Variants in AIFM2 observed in about 807,000 individuals in gnomAD.
The protein encoded by AIFM2 is ferroptosis suppressor protein 1.
AIFM2 carries 38 observed loss-of-function variants against 35.7 expected under a neutral mutation model. The observed-to-expected ratio is 1.06, with a 90% CI of 0.82 to 1.39. The LOEUF (loss-of-function observed/expected upper bound fraction) is 1.39, where lower values mean the gene tolerates loss of function less well. AIFM2 is among the 40% of genes most tolerant of loss of function. The pLI, the probability that AIFM2 is intolerant of heterozygous loss-of-function variation, is 0.00. For synonymous variants in AIFM2, 185 were observed against 203.5 expected (o/e 0.91, Z 0.77); for missense variants, 476 against 491.2 (o/e 0.97, Z 0.29).
chr10:70,122,107 A>C (rs550936993), intron 3 of AIFM2, among the ~76,000 whole-genome samples: 176 of 152,252 alleles, frequency 1.2e-3, no homozygotes, highest in Non-Finnish European at 1.8e-3. Context: ...ACAATTAAAA[A>C]AATTTTTTTT....
intron 1 of AIFM2, among the ~76,000 whole-genome samples, chr10:70,129,369 A>C (rs555233852): frequency 6.6e-6 from 1 of 152,136 alleles, no homozygotes; most frequent in Admixed American, 6.6e-5. Context: ...ATATATATAT[A>C]TATAAAATAT....
chr10:70,121,981 A>G (rs2072513810), intron 3 of AIFM2, among the ~76,000 whole-genome samples: 1 of 151,892 alleles, frequency 6.6e-6, no homozygotes, highest in Non-Finnish European at 1.5e-5. Context: ...AATCCCAACT[A>G]CTCAGGAGGC....
At chr10:70,127,614 T>C (rs1293651179) in intron 1 of AIFM2, among the ~76,000 whole-genome samples, 1 of 152,144 alleles carries the variant, frequency 6.6e-6, no homozygotes, top group Non-Finnish European at 1.5e-5. Context: ...TGGGGTTTCC[T>C]CCAGGGAAAG....
intron 7 of AIFM2, among the ~76,000 whole-genome samples, chr10:70,115,953 C>T (rs1262018009): frequency 6.6e-6 from 1 of 152,172 alleles, no homozygotes; most frequent in Non-Finnish European, 1.5e-5. Context: ...TACACACAGC[C>T]TGGACTGGCT....
intron 3 of AIFM2, among the ~76,000 whole-genome samples, chr10:70,122,665 C>T (rs561364083): frequency 4.4e-4 from 67 of 152,298 alleles, no homozygotes; most frequent in East Asian, 7.7e-4. Context: ...TAGACAGAGC[C>T]GAGGGCTGGC....
chr10:70,131,804 C>T lies in AIFM2; in HGVS notation c.-14+930G>A, dbSNP rs1285794606. Among the ~76,000 whole-genome samples the T allele has an allele frequency of 6.6e-6, 1 of 152,164 alleles. No individual in the cohort carries two copies. The highest frequency in any genetic ancestry group is 1.5e-5 in the Non-Finnish European group (1 of 68,026). ...GTGACACACTGTGCTCCTTGGAGAACTCCTCTCTAGGTGCTGGGGTGAGGG... is the reference window on the plus strand; with the variant it reads ...GTGACACACTGTGCTCCTTGGAGAATTCCTCTCTAGGTGCTGGGGTGAGGG... On this transcript the variant is annotated intron_variant, in intron 1 of 8. Transcript: ENST00000307864. This position sits in a 1 kb window ranked among gnomAD's most constrained non-coding sequence, Gnocchi z 4.1.
chr10:70,132,058 G>A (rs1028378797), intron 1 of AIFM2, among the ~76,000 whole-genome samples: 1 of 152,150 alleles, frequency 6.6e-6, no homozygotes, highest in Non-Finnish European at 1.5e-5. Flanking sequence ...GACTCTCCTT[G>A]TAGGGAAAGG....
chr10:70,124,546 C>T (rs2072545661), intron 1 of AIFM2, among the ~76,000 whole-genome samples: 1 of 152,206 alleles, frequency 6.6e-6, no homozygotes, highest in African/African-American at 2.4e-5. Flanking sequence ...ATGAATTGAA[C>T]TCCTGCTTTT....
In AIFM2 at chr10:70,124,117, G is replaced by C; in HGVS notation, c.-13-20C>G. On this transcript the variant is annotated intron_variant, in intron 1 of 8. Coordinates refer to ENST00000307864, the MANE Select transcript of AIFM2 (RefSeq NM_032797.6). ...CAGGCACTGCTGGGAAGAAAGAGGAGAGCATATCAGAGTCAGGGAGGCTGG... is the reference window on the plus strand; with the variant it reads ...CAGGCACTGCTGGGAAGAAAGAGGACAGCATATCAGAGTCAGGGAGGCTGG... The C allele has an allele frequency of 1.4e-6, 2 of 1,415,308 alleles. No individual in the cohort carries two copies. The highest frequency in any genetic ancestry group is 9.3e-7 in the Non-Finnish European group (1 of 1,075,072). The allele number at this position is 1,415,308 out of a possible 1,614,324, so 87.7% of individuals were successfully genotyped here.
intron 1 of AIFM2, among the ~76,000 whole-genome samples, chr10:70,127,232 G>T (rs186150349): frequency 6.6e-6 from 1 of 152,362 alleles, no homozygotes; most frequent in East Asian, 1.9e-4. Context: ...ATGAGGTCAA[G>T]AAAACACCCA....
intron 8 of AIFM2, chr10:70,114,646 G>A (rs1386102069): frequency 2.0e-6 from 1 of 509,346 alleles, no homozygotes; most frequent in East Asian, 3.8e-5. Context: ...GGCTAATTTT[G>A]TATTTTTAGT....
chr10:70,124,105 G>C lies in AIFM2; in HGVS notation c.-13-8C>G, dbSNP rs774210272. 8 of 1,463,974 alleles carry C rather than the reference G, an allele frequency of 5.5e-6. No individual in the cohort carries two copies. Among genetic ancestry groups the C allele is most frequent in the Non-Finnish European group, 6.4e-6 (7 of 1,099,572 alleles). 90.7% of individuals were successfully genotyped at this position (1,463,974 alleles called of 1,614,324 possible). A position where few individuals can be genotyped will look rare whatever the true frequency, so the allele number is the denominator to read the frequency against. ...CCCATCTCAAATCAGGCACTGCTGGGAAGAAAGAGGAGAGCATATCAGAGT... is the reference window on the plus strand; with the variant it reads ...CCCATCTCAAATCAGGCACTGCTGGCAAGAAAGAGGAGAGCATATCAGAGT... On this transcript the variant is annotated splice_region_variant and splice_polypyrimidine_tract_variant and intron_variant, in intron 1 of 8. Transcript: ENST00000307864.
intron 3 of AIFM2, among the ~76,000 whole-genome samples, chr10:70,122,478 G>A (rs2136660393): frequency 6.6e-6 from 1 of 152,354 alleles, no homozygotes; most frequent in East Asian, 1.9e-4. Context: ...GGCTGGACAT[G>A]ACACTCATCC....
chr10:70,119,572 T>C (rs1189398084), intron 5 of AIFM2, among the ~76,000 whole-genome samples: 2 of 152,084 alleles, frequency 1.3e-5, no homozygotes, highest in Non-Finnish European at 2.9e-5. Context: ...AACAGTTTGG[T>C]TTTTCCCTAT....
At position 70,117,711 on chromosome 10, in the gene AIFM2, G is replaced by A. The variant is rs2072453191; in HGVS notation, c.616+101C>T. The A allele has an allele frequency of 1.1e-6, 1 of 926,588 alleles. No homozygotes were observed. The highest frequency in any genetic ancestry group is 1.6e-6 in the Non-Finnish European group (1 of 617,482). The allele number at this position is 926,588 out of a possible 1,614,324, so 57.4% of individuals were successfully genotyped here. A position where few individuals can be genotyped will look rare whatever the true frequency, so the allele number is the denominator to read the frequency against. ...CACAGTGGAAAAGAGAGAGCCTGGG[G>A]TGGACCATAGCCACCCTCCTGCTGG... On this transcript the variant is annotated intron_variant, in intron 6 of 8. Transcript: ENST00000307864. This position sits in a 1 kb window ranked among gnomAD's most constrained non-coding sequence, Gnocchi z 4.7.
chr10:70,114,464 A>T, intron 8 of AIFM2, 135 bp from the exon 9 acceptor site: 1 of 1,130,512 alleles, frequency 8.8e-7, no homozygotes, highest in Admixed American at 2.7e-5. Flanking sequence ...GGTGGGTGAG[A>T]CCCTGATTTT....
At position 70,131,489 on chromosome 10, in the gene AIFM2, C is replaced by T. The variant is rs2072626160; in HGVS notation, c.-14+1245G>A. Among the ~76,000 whole-genome samples, 1 of 152,190 alleles carries T rather than the reference C, an allele frequency of 6.6e-6. No individual in the cohort carries two copies. The highest frequency in any genetic ancestry group is 6.5e-5 in the Admixed American group (1 of 15,274). On this transcript the variant is annotated intron_variant, in intron 1 of 8. Coordinates refer to ENST00000307864, the MANE Select transcript of AIFM2 (RefSeq NM_032797.6). This position sits in a 1 kb window ranked among gnomAD's most constrained non-coding sequence, Gnocchi z 4.1. ...CTCAAAGTCTAAGGGAGGCAGCCTC[C>T]TTTTATCCCCAGGGGAGGGCAGCTC... is the stretch of plus-strand genomic sequence containing the variant.
chr10:70,128,440 C>T (rs2072592270), intron 1 of AIFM2, among the ~76,000 whole-genome samples: 2 of 152,242 alleles, frequency 1.3e-5, no homozygotes, highest in Admixed American at 1.3e-4. Flanking sequence ...CTGACTGCAA[C>T]ATCTGCCTCC....
Position 70,117,912 on chromosome 10 carries a change from G to A in AIFM2, c.516C>T (p.Leu172=), listed in dbSNP as rs746327631. The A allele has an allele frequency of 1.2e-6, 2 of 1,608,586 alleles. No individual in the cohort carries two copies. Among genetic ancestry groups the A allele is most frequent in the Non-Finnish European group, 1.7e-6 (2 of 1,177,824 alleles). ...CAGCCAGGGCCACTTGGGAGTGAATGAGAGTGACCTGAGGACAAAACGACC... is the reference window on the plus strand; with the variant it reads ...CAGCCAGGGCCACTTGGGAGTGAATAAGAGTGACCTGAGGACAAAACGACC... The part of the protein sequence containing the change: ...KTEYPEKEVT[L]IHSQVALADK... The change falls in exon 6 of 9, where the codon CTC becomes CTT. Residue 172 remains leucine (L), a synonymous_variant. Transcript: ENST00000307864. This position sits in a 1 kb window ranked among gnomAD's most constrained non-coding sequence, Gnocchi z 4.7.
Sources: gnomAD v4.1 joint callset for allele counts (sites outside exome capture counted in the v4.1 genomes callset) on GRCh38, gnomAD v4.1.1 for gene constraint, Gnocchi (gnomAD v3.1) non-coding constraint, MANE v1.5 for transcripts, NCBI Gene and HGNC (gene_info 2026-07-23, HGNC 2026-07-21) for gene names.